The following SOX6 variants were observed in gnomAD, a reference collection of about 807,000 sequenced individuals.
SOX6 encodes transcription factor SOX-6.
In SOX6, 11 loss-of-function variants were observed where a neutral mutation model predicts 97.8. That is an observed-to-expected ratio of 0.11 (90% CI 0.07 to 0.19). The LOEUF (loss-of-function observed/expected upper bound fraction) is 0.19. SOX6 is among the 10% of genes least tolerant of loss of function. The pLI is 1.00. For synonymous variants in SOX6, 360 were observed against 371.4 expected (o/e 0.97, Z 0.35); for missense variants, 810 against 1,039.5 (o/e 0.78, Z 3.04).
At chr11:16,326,286 C>T (rs1289296584) in intron 2 of SOX6, among the ~76,000 whole-genome samples, 5 of 151,938 alleles carry the variant, frequency 3.3e-5, no homozygotes, top group Non-Finnish European at 4.4e-5. Flanking sequence ...ATTTCCAGAC[C>T]CTTCATCATC....
intron 6 of SOX6, among the ~76,000 whole-genome samples, chr11:16,132,510 T>A (rs1175060710): frequency 4.6e-5 from 4 of 87,472 alleles, no homozygotes; most frequent in Admixed American, 1.1e-4. Context: ...GAAAGAAAGC[T>A]TATCTTTGTA....
At chr11:16,534,968 C>T (rs1018948151) in intron 4 of SOX6, among the ~76,000 whole-genome samples, 3 of 152,146 alleles carry the variant, frequency 2.0e-5, no homozygotes, top group Non-Finnish European at 4.4e-5. Flanking sequence ...AAGATTTAAA[C>T]TGAGTATTGA....
At chr11:16,335,648 G>A (rs1856436327) in intron 2 of SOX6, among the ~76,000 whole-genome samples, 1 of 152,136 alleles carries the variant, frequency 6.6e-6, no homozygotes, top group African/African-American at 2.4e-5. Flanking sequence ...CTCAAAGTCT[G>A]TCATAACAGC....
At chr11:16,454,432 A>C (rs1272262540) in intron 1 of SOX6, among the ~76,000 whole-genome samples, 1 of 152,062 alleles carries the variant, frequency 6.6e-6, no homozygotes, top group East Asian at 1.9e-4. Context: ...GTCATTCATA[A>C]AATATTCAAG....
chr11:16,161,025 C>T (rs990359932), intron 6 of SOX6, among the ~76,000 whole-genome samples: 3 of 152,050 alleles, frequency 2.0e-5, no homozygotes, highest in Admixed American at 1.3e-4. Context: ...TACTTTATCA[C>T]ACCCAGTTGA....
In SOX6 at chr11:16,272,615, T is replaced by C. The variant is rs368190537; in HGVS notation, c.446-37944A>G. 7.2e-5 allele frequency among the ~76,000 whole-genome samples: 11 copies of C among 151,960 alleles called. No homozygotes were observed. In the East Asian group the frequency reaches 1.5e-3, roughly 21 times the overall value. ...TATTTTATAATTACTGCAATTGTTA[T>C]AGATATGAGAAAATAAGTCATCTGA... On this transcript the variant is annotated intron_variant, in intron 3 of 15. Coordinates refer to ENST00000683767, the MANE Select transcript of SOX6 (RefSeq NM_001367873.1).
intron 3 of SOX6, among the ~76,000 whole-genome samples, chr11:16,659,906 G>A (rs1037807463): frequency 2.0e-5 from 3 of 151,996 alleles, no homozygotes; most frequent in Non-Finnish European, 4.4e-5. Context: ...CAAATTTGTG[G>A]GCACTGAGTG....
intron 6 of SOX6, among the ~76,000 whole-genome samples, chr11:16,178,789 T>A (rs1851266130): frequency 6.6e-6 from 1 of 151,912 alleles, no homozygotes; most frequent in Admixed American, 6.6e-5. Context: ...GTAATTGCAT[T>A]TTGTTCATCA....
chr11:16,355,493 C>G (rs2134366315), intron 1 of SOX6, among the ~76,000 whole-genome samples: 1 of 152,006 alleles, frequency 6.6e-6, no homozygotes, highest in South Asian at 2.1e-4. Context: ...TACTATAAAT[C>G]TCAATGTAAT....
intron 1 of SOX6, among the ~76,000 whole-genome samples, chr11:16,395,788 A>T (rs1337437524): frequency 6.6e-6 from 1 of 151,844 alleles, no homozygotes; most frequent in Non-Finnish European, 1.5e-5. Context: ...CACAAAATGC[A>T]TGAGTCATTA....
chr11:16,219,033 C>A (rs148460652), intron 4 of SOX6, among the ~76,000 whole-genome samples: 11 of 152,190 alleles, frequency 7.2e-5, no homozygotes, highest in Non-Finnish European at 1.2e-4. Flanking sequence ...TACCCAAATT[C>A]TCTGAGCTTT....
chr11:16,627,560 G>A (rs1481693935), intron 3 of SOX6, among the ~76,000 whole-genome samples: 3 of 152,344 alleles, frequency 2.0e-5, no homozygotes, highest in Admixed American at 6.5e-5. Flanking sequence ...CTGATGTGGA[G>A]CATTTTTTCA....
At chr11:16,359,046 A>C (rs567767548), upstream of SOX6, among the ~76,000 whole-genome samples, 1 of 152,184 alleles carries the variant, frequency 6.6e-6, no homozygotes, top group Non-Finnish European at 1.5e-5. Context: ...ATGGAAAATA[A>C]ACCATTGAAA....
intron 4 of SOX6, among the ~76,000 whole-genome samples, chr11:16,553,981 C>A (rs919247526): frequency 6.6e-6 from 1 of 151,928 alleles, no homozygotes; most frequent in Non-Finnish European, 1.5e-5. Flanking sequence ...ATGGTCAACG[C>A]GGCAGTTTAG....
At chr11:16,275,613 T>C (rs1854378528) in intron 3 of SOX6, among the ~76,000 whole-genome samples, 1 of 152,220 alleles carries the variant, frequency 6.6e-6, no homozygotes, top group African/African-American at 2.4e-5. Context: ...AGATCACTTA[T>C]ACAAAGGGCC....
At chr11:16,027,362 G>A (rs1395397706) in intron 12 of SOX6, among the ~76,000 whole-genome samples, 1 of 152,090 alleles carries the variant, frequency 6.6e-6, no homozygotes. Context: ...TAAAGGTATA[G>A]TAAATAAAAT....
intron 6 of SOX6, among the ~76,000 whole-genome samples, chr11:16,132,884 T>A (rs1590217496): frequency 1.3e-5 from 2 of 152,292 alleles, no homozygotes; most frequent in East Asian, 3.9e-4. Context: ...AACACTAGCA[T>A]ACAGATGAAC....
chr11:16,692,756 C>T (rs985280269), intron 3 of SOX6, among the ~76,000 whole-genome samples: 2 of 152,138 alleles, frequency 1.3e-5, no homozygotes, highest in African/African-American at 4.8e-5. Flanking sequence ...TTTTCTTTTA[C>T]AAAATCAGTA....
At chr11:16,513,391 G>T (rs150535964) in intron 4 of SOX6, among the ~76,000 whole-genome samples, 10 of 152,226 alleles carry the variant, frequency 6.6e-5, no homozygotes, top group Non-Finnish European at 1.5e-4. Flanking sequence ...CCAGCACTTT[G>T]GGAGGCCAAG....
Sources: gnomAD v4.1 joint callset for allele counts (sites outside exome capture counted in the v4.1 genomes callset) on GRCh38, gnomAD v4.1.1 for gene constraint, MANE v1.5 for transcripts, NCBI Gene and HGNC (gene_info 2026-07-23, HGNC 2026-07-21) for gene names.